The following SNX8 variants were observed in gnomAD, a reference collection of about 807,000 sequenced individuals.
The protein encoded by SNX8 is sorting nexin 8, also known as sorting nexin-8.
SNX8 carries 25 observed loss-of-function variants against 51.6 expected under a neutral mutation model. That is an observed-to-expected ratio of 0.48 (90% CI 0.35 to 0.68). The LOEUF (loss-of-function observed/expected upper bound fraction) is 0.68, where lower values mean the gene tolerates loss of function less well. SNX8 is among the 30% of genes least tolerant of loss of function. The probability of loss-of-function intolerance (pLI) is 0.00; values close to 1 mark genes in which losing one functional copy is unlikely to be tolerated. For synonymous variants in SNX8, 324 were observed against 277.0 expected, an observed-to-expected ratio of 1.17 and a Z score of -1.68; for missense variants, 695 against 624.0, an observed-to-expected ratio of 1.11 and a Z score of -1.21.
chr7:2,333,285 G>A (rs1237915983), intron 1 of SNX8, among the ~76,000 whole-genome samples: 3 of 152,148 alleles, frequency 2.0e-5, no homozygotes, highest in Non-Finnish European at 4.4e-5. Context: ...AAATTTGGCT[G>A]GGCGCAGTGG....
At chr7:2,276,921 GTTGACAGAGCAATACCCTGTCTCT>G (rs1795793917) in intron 2 of SNX8, among the ~76,000 whole-genome samples, 2 of 152,228 alleles carry the variant, frequency 1.3e-5, no homozygotes, top group African/African-American at 4.8e-5. Flanking sequence ...CTCCAGCCTG[GTTGACAGAGCAATACCCTGTCTCT>G]TTAAAAACAA....
rs199932461 is a variant in SNX8, at chr7:2,275,232, G to A, written c.301-3C>T. ...CTGTATACCGAGGACTTGAAGCGCT[G>A]CAAGAGAAGGGTCGGTGCTTAGATC... is the stretch of plus-strand genomic sequence containing the variant. On this transcript the variant is annotated splice_region_variant and splice_polypyrimidine_tract_variant and intron_variant, in intron 2 of 10. Transcript: ENST00000222990. The A allele has an allele frequency of 6.3e-7, 1 of 1,598,062 alleles. No homozygotes were observed. The highest frequency in any genetic ancestry group is 1.3e-5 in the African/African-American group (1 of 74,782).
intron 9 of SNX8, 150 bp downstream of exon 9, chr7:2,257,215 G>T: frequency 8.8e-7 from 1 of 1,133,716 alleles, no homozygotes; most frequent in East Asian, 2.6e-5. Flanking sequence ...CTCTGGGCAC[G>T]CGGGCCAGCT....
intron 7 of SNX8, among the ~76,000 whole-genome samples, chr7:2,260,891 C>T (rs1389540776): frequency 6.6e-6 from 1 of 152,204 alleles, no homozygotes; most frequent in Non-Finnish European, 1.5e-5. Context: ...CACCAGAAGC[C>T]TCAACCTTCT....
At position 2,270,088 on chromosome 7, in the gene SNX8, G is replaced by A. The variant is rs570010829; in HGVS notation, c.541-449C>T. Among the ~76,000 whole-genome samples the A allele has an allele frequency of 3.9e-5, 6 of 152,134 alleles. No individual in the cohort carries two copies. The East Asian group carries it at 5.8e-4, about 15-fold the overall frequency. ...TCCTTCCTGGGAATGCATCCATGGCGCCAGGGACACCAGAGCCCAGGGAGC... is the reference window on the plus strand; with the variant it reads ...TCCTTCCTGGGAATGCATCCATGGCACCAGGGACACCAGAGCCCAGGGAGC... On this transcript the variant is annotated intron_variant, in intron 4 of 10. Coordinates refer to ENST00000222990, the MANE Select transcript of SNX8 (RefSeq NM_013321.4).
At position 2,278,259 on chromosome 7, in the gene SNX8, C is replaced by T. The variant is rs570348865; in HGVS notation, c.141G>A (p.Gln47=). 3.7e-6 allele frequency: 6 copies of T among 1,604,650 alleles called. No individual in the cohort carries two copies. The African/African-American group carries it at 8.0e-5, about 21-fold the overall frequency. The change falls in exon 2 of 11, where the codon CAG becomes CAA. Residue 47 remains glutamine, a synonymous_variant. Transcript: ENST00000222990. ...TCTGCATTCGACTGGGGGCTGGGAC[C>T]TGCTGCACGATGGCCTGGGGCTCGA... ...QAIEPQAIVQ[Q]VPAPSRMQMP... is the part of the protein sequence containing the mutation.
At chr7:2,340,043 T>A (rs1778892587) in intron 1 of SNX8, among the ~76,000 whole-genome samples, 1 of 151,440 alleles carries the variant, frequency 6.6e-6, no homozygotes, top group Non-Finnish European at 1.5e-5. Context: ...TATATCTACA[T>A]ATGAAAAGCT....
chr7:2,317,323 G>C (rs945243760), upstream of SNX8, among the ~76,000 whole-genome samples: 9 of 133,240 alleles, frequency 6.8e-5, no homozygotes, highest in Admixed American at 7.4e-4. Context: ...CTGTTGCCTG[G>C]AGCGGAGGGC....
intron 7 of SNX8, among the ~76,000 whole-genome samples, chr7:2,258,732 C>A (rs1440444050): frequency 6.6e-6 from 1 of 152,186 alleles, no homozygotes; most frequent in African/African-American, 2.4e-5. Flanking sequence ...AGGCTGCACG[C>A]AGAAGCACCA....
Position 2,271,962 on chromosome 7 carries a change from T to C in SNX8, c.428A>G (p.Glu143Gly), listed in dbSNP as rs987212785. ...PPKRMLGADR[E>G]FIEARRRALK... ...GGCTCTCCTCCTGGCCTCGATGAACTCCCTGTCAGCTGGAGGAGCACACGG... is the reference window on the plus strand; with the variant it reads ...GGCTCTCCTCCTGGCCTCGATGAACCCCCTGTCAGCTGGAGGAGCACACGG... Residue 143 changes from glutamate to glycine, a missense_variant, in exon 4 of 11, where the codon GAG (glutamate) becomes GGG (glycine). Transcript: ENST00000222990. The C allele has an allele frequency of 1.5e-5, 24 of 1,613,772 alleles. No individual in the cohort carries two copies. Among genetic ancestry groups the C allele is most frequent in the Non-Finnish European group, 1.9e-5 (23 of 1,179,962 alleles).
rs77380355 is a variant in SNX8, at chr7:2,271,629, G to A, written c.540+221C>T. On this transcript the variant is annotated intron_variant, in intron 4 of 10. Coordinates refer to ENST00000222990, the MANE Select transcript of SNX8 (RefSeq NM_013321.4). ...GACCACAGAGATCCATGATCTCCAC[G>A]CGGATTTACAAAATCCTGCAAAGTC... Among the ~76,000 whole-genome samples the A allele has an allele frequency of 4.7e-3, 716 of 152,226 alleles. 3 individuals are homozygous for A. The highest frequency in any genetic ancestry group is 0.016 in the African/African-American group (675 of 41,532).
rs370740790 is a variant in SNX8, at chr7:2,275,246, G to T, written c.301-17C>A. On this transcript the variant is annotated splice_polypyrimidine_tract_variant and intron_variant, in intron 2 of 10. Coordinates refer to ENST00000222990, the MANE Select transcript of SNX8 (RefSeq NM_013321.4). ...CTTGAAGCGCTGCAAGAGAAGGGTC[G>T]GTGCTTAGATCCGACGTTGGAAACT... The T allele has an allele frequency of 9.6e-6, 15 of 1,559,666 alleles. No individual in the cohort carries two copies. The African/African-American group carries it at 1.5e-4, about 16-fold the overall frequency.
At position 2,252,695 on chromosome 7, in the gene SNX8, C is replaced by CCACCCCTGCCCTCTTGCTCT. The variant is rs1795069215; in HGVS notation, c.*2341_*2360dup. 1 of 123,998 alleles carries CCACCCCTGCCCTCTTGCTCT rather than the reference C, an allele frequency of 8.1e-6. No individual in the cohort carries two copies. The highest frequency in any genetic ancestry group is 3.4e-5 in the African/African-American group (1 of 29,620). 7.7% of individuals were successfully genotyped at this position (123,998 alleles called of 1,614,324 possible). ...GCCCCCCCACCTCCCTCCTGCCTTC[C>CCACCCCTGCCCTCTTGCTCT]CACCCCTGCCCTCTTGCTCTCCTCA... On this transcript the variant is annotated 3_prime_UTR_variant, in exon 11 of 11. Transcript: ENST00000222990.
chr7:2,313,767 CG>C (rs1233832226), intron 1 of SNX8, among the ~76,000 whole-genome samples: 2 of 152,074 alleles, frequency 1.3e-5, no homozygotes, highest in East Asian at 3.9e-4. Flanking sequence ...GAGGCTAAGG[CG>C]GAGGATCACT....
At chr7:2,334,527 G>A in intron 1 of SNX8, among the ~76,000 whole-genome samples, 1 of 151,928 alleles carries the variant, frequency 6.6e-6, no homozygotes. Context: ...GTGAAACACT[G>A]TCTCTGCTAA....
At chr7:2,351,042 G>T (rs941382161) in intron 1 of SNX8, among the ~76,000 whole-genome samples, 5 of 152,046 alleles carry the variant, frequency 3.3e-5, no homozygotes, top group African/African-American at 4.8e-5. Flanking sequence ...TCACGAGCCT[G>T]GGAGTTTGAG....
intron 7 of SNX8, 38 bp from the exon 8 acceptor site, chr7:2,257,841 A>C: frequency 1.9e-6 from 3 of 1,594,648 alleles, no homozygotes; most frequent in Non-Finnish European, 2.6e-6. Context: ...GCGGACGCAC[A>C]TAGGACCCGG....
chr7:2,325,254 C>T (rs573250776), intron 1 of SNX8, among the ~76,000 whole-genome samples: 13 of 152,276 alleles, frequency 8.5e-5, no homozygotes, highest in African/African-American at 2.9e-4. Context: ...AATCTTCCTG[C>T]CCCAGCCTCC....
chr7:2,320,129 G>T (rs1028376018), intron 1 of SNX8, among the ~76,000 whole-genome samples: 1 of 152,190 alleles, frequency 6.6e-6, no homozygotes, highest in African/African-American at 2.4e-5. Flanking sequence ...CCTGAGGCAG[G>T]CGGATCACCT....
Sources: gnomAD v4.1 joint callset for allele counts (sites outside exome capture counted in the v4.1 genomes callset) on GRCh38, gnomAD v4.1.1 for gene constraint, MANE v1.5 for transcripts, NCBI Gene and HGNC (gene_info 2026-07-23, HGNC 2026-07-21) for gene names.